SEC16B: variants seen among roughly 807,000 people sequenced by gnomAD.
SEC16B encodes SEC16 homolog B, endoplasmic reticulum export factor.
A neutral mutation model predicts 141.8 loss-of-function variants in SEC16B; 115 were observed. That is an observed-to-expected ratio of 0.81 (90% CI 0.70 to 0.95). The LOEUF is 0.95. SEC16B is among the 40% of genes least tolerant of loss of function. SEC16B has a pLI of 0.00. For synonymous variants in SEC16B, 493 were observed against 492.5 expected (o/e 1.00, Z -0.01); for missense variants, 1,291 against 1,312.3 (o/e 0.98, Z 0.25).
At position 177,937,523 on chromosome 1, in the gene SEC16B, T is replaced by G. The variant is rs149848156; in HGVS notation, c.2204-10A>C. ...TGGTAGAAAGTGTTTTCTAAGGACG[T>G]GGAACAAAGGTAAAGAAGTCAGACC... On this transcript the variant is annotated splice_polypyrimidine_tract_variant and intron_variant, in intron 18 of 25. Transcript: ENST00000308284. 12,446 of 1,510,112 alleles carry G rather than the reference T, an allele frequency of 8.2e-3. 84 individuals are homozygous for G. The highest frequency in any genetic ancestry group is 9.0e-3 in the Non-Finnish European group (10,211 of 1,129,006). The allele number at this position is 1,510,112 out of a possible 1,614,324, so 93.5% of individuals were successfully genotyped here.
Position 177,960,940 on chromosome 1 carries a change from C to T in SEC16B, c.788-1G>A, listed in dbSNP as rs894977268. ...GCTTTGGGACCAGCTGAGGAGACATCTTCTGACCAACAGACACAGATGGAC... is the reference window on the plus strand; with the variant it reads ...GCTTTGGGACCAGCTGAGGAGACATTTTCTGACCAACAGACACAGATGGAC... On this transcript the variant is annotated splice_acceptor_variant, in intron 6 of 25. Coordinates refer to ENST00000308284, the MANE Select transcript of SEC16B (RefSeq NM_033127.4). LOFTEE classifies it high-confidence loss of function. The T allele has an allele frequency of 6.7e-7, 1 of 1,502,514 alleles. No homozygotes were observed. Among genetic ancestry groups the T allele is most frequent in the Middle Eastern group, 1.8e-4 (1 of 5,672 alleles). The allele number at this position is 1,502,514 out of a possible 1,614,324, so 93.1% of individuals were successfully genotyped here.
chr1:177,933,147 G>C (rs1246617925), intron 22 of SEC16B, 67 bp downstream of exon 22: 9 of 1,305,944 alleles, frequency 6.9e-6, no homozygotes, highest in Non-Finnish European at 8.5e-6. Context: ...AGAGCTCCTA[G>C]GTGCTGAGGC....
Position 177,933,244 on chromosome 1 carries a change from G to A in SEC16B, c.2793C>T (p.Asp931=), listed in dbSNP as rs149216709. The stretch of plus-strand genomic sequence containing the variant: ...AGTCAGGGCTGTCTGAGGAGTCCTC[G>A]TCTCCAGCGGGGGATGCGTTCTTGG... ...KPTKNASPAG[D]EDSSDSPDSE... The change falls in exon 22 of 26, where the codon GAC becomes GAT. Residue 931 remains aspartate, a synonymous_variant. Transcript: ENST00000308284. 3.7e-4 allele frequency: 586 copies of A among 1,593,684 alleles called. 3 individuals are homozygous for A. The African/African-American group carries it at 6.5e-3, about 18-fold the overall frequency.
chr1:177,977,364 C>A (rs1368001549), intron 1 of SEC16B, among the ~76,000 whole-genome samples: 1 of 152,174 alleles, frequency 6.6e-6, no homozygotes, highest in Non-Finnish European at 1.5e-5. Context: ...CAAGCCAAGG[C>A]CCTCATGCAC....
rs746342263 is a variant in SEC16B, at chr1:177,933,539, G to C, written c.2669C>G (p.Ser890Cys). Residue 890 changes from serine (S) to cysteine (C), a missense_variant, in exon 21 of 26, where the codon TCT becomes TGT. By Grantham distance (112) the Ser-to-Cys change is moderately radical. Coordinates refer to ENST00000308284, the MANE Select transcript of SEC16B (RefSeq NM_033127.4). ...GCCTCTCTGGGCAGTATTTCGGGGA[G>C]AGTTTTTATCAGCCTCATCAGAGGA... ...KESSDEADKN[S>C]PRNTAQRGKL... 1.2e-6 allele frequency: 2 copies of C among 1,613,974 alleles called. No individual in the cohort carries two copies. Among genetic ancestry groups the C allele is most frequent in the South Asian group, 1.1e-5 (1 of 91,060 alleles).
chr1:177,932,854 C>A, intron 22 of SEC16B, 48 bp from the exon 23 acceptor site: 6 of 1,520,852 alleles, frequency 3.9e-6, no homozygotes, highest in Non-Finnish European at 5.4e-6. Context: ...TGGCAGTTAA[C>A]AAATTGATGC....
At chr1:177,957,373 G>A (rs1652690353) in intron 10 of SEC16B, among the ~76,000 whole-genome samples, 1 of 151,952 alleles carries the variant, frequency 6.6e-6, no homozygotes, top group Non-Finnish European at 1.5e-5. Context: ...AATGCCATGA[G>A]GGTATTTTAC....
chr1:177,941,409 C>A (rs1354336101), intron 16 of SEC16B, among the ~76,000 whole-genome samples: 1 of 152,176 alleles, frequency 6.6e-6, no homozygotes, highest in African/African-American at 2.4e-5. Flanking sequence ...TTAATTGAAA[C>A]AACTATTTGC....
At chr1:177,936,528 C>T (rs909193699) in intron 19 of SEC16B, among the ~76,000 whole-genome samples, 163 bp from the exon 20 acceptor site, 3 of 152,190 alleles carry the variant, frequency 2.0e-5, no homozygotes, top group African/African-American at 7.2e-5. Flanking sequence ...GCTCACGTAG[C>T]TCATCTCAAT....
chr1:177,941,439 C>G (rs1651263733), intron 16 of SEC16B, among the ~76,000 whole-genome samples: 1 of 152,086 alleles, frequency 6.6e-6, no homozygotes. Flanking sequence ...GTTTTCTTTC[C>G]TAGGAACTAA....
intron 1 of SEC16B, among the ~76,000 whole-genome samples, chr1:177,975,736 T>C (rs1417946253): frequency 2.0e-5 from 3 of 152,234 alleles, no homozygotes; most frequent in South Asian, 4.1e-4. Context: ...CTCATATTTC[T>C]GACTCCAAGA....
In SEC16B at chr1:177,951,929, A is replaced by T. The variant is rs376158973; in HGVS notation, c.1530T>A (p.Ile510=). 3.7e-5 allele frequency: 60 copies of T among 1,605,480 alleles called. No homozygotes were observed. Among genetic ancestry groups the T allele is most frequent in the Non-Finnish European group, 5.0e-5 (59 of 1,176,492 alleles). ...ATAGGGGTACCGTGGCTGCCTGTGG[A>T]ATCCTCCCCGACATGAGCTGGAAGA... ...QTLFQLMSGR[I]PQAATCCGEK... Residue 510 remains isoleucine, a synonymous_variant, in exon 12 of 26, where the codon ATT becomes ATA. Transcript: ENST00000308284.
In SEC16B at chr1:177,958,153, C is replaced by T. The variant is rs769003617; in HGVS notation, c.1344G>A (p.Leu448=). ...TTGCCTTCTTCCTTCCATAGTAGAG[C>T]AGCCTAGTGAATTTCTCCACGATCT... ...PAQIVEKFTR[L]LYYGRKKEAL... Residue 448 remains leucine, a synonymous_variant, in exon 10 of 26, where the codon CTG becomes CTA. Coordinates refer to ENST00000308284, the MANE Select transcript of SEC16B (RefSeq NM_033127.4). The T allele has an allele frequency of 5.2e-6, 8 of 1,534,166 alleles. No homozygotes were observed. The South Asian group carries it at 1.1e-4, about 20-fold the overall frequency.
intron 18 of SEC16B, among the ~76,000 whole-genome samples, chr1:177,938,295 C>T (rs1651013014): frequency 6.8e-6 from 1 of 146,042 alleles, no homozygotes; most frequent in East Asian, 2.7e-4. Context: ...GCTTCTGTGT[C>T]CCGAAAAGAT....
intron 2 of SEC16B, among the ~76,000 whole-genome samples, chr1:177,967,380 G>A (rs1265577616): frequency 1.3e-5 from 2 of 152,102 alleles, no homozygotes; most frequent in Non-Finnish European, 2.9e-5. Context: ...GGTTCCATCT[G>A]CTGTCTTGAA....
chr1:177,963,429 C>T (rs536590214), intron 5 of SEC16B, among the ~76,000 whole-genome samples: 1 of 151,892 alleles, frequency 6.6e-6, no homozygotes, highest in Non-Finnish European at 1.5e-5. Context: ...ATGGTGAAAC[C>T]CGGTCTCTAC....
chr1:177,952,725 C>T (rs1652293564), intron 11 of SEC16B, among the ~76,000 whole-genome samples: 2 of 152,126 alleles, frequency 1.3e-5, no homozygotes, highest in African/African-American at 2.4e-5. Flanking sequence ...GGCTGTGGGA[C>T]GTTCATTTTC....
intron 3 of SEC16B, among the ~76,000 whole-genome samples, chr1:177,965,515 C>T (rs995403665): frequency 6.6e-6 from 1 of 152,138 alleles, no homozygotes; most frequent in Non-Finnish European, 1.5e-5. Flanking sequence ...CATTTGGGTG[C>T]ATATCTGCTG....
At chr1:177,960,451 G>T in intron 7 of SEC16B, 48 bp from the exon 8 acceptor site, 1 of 1,335,284 alleles carries the variant, frequency 7.5e-7, no homozygotes, top group Non-Finnish European at 1.1e-6. Flanking sequence ...GGCCACCCTA[G>T]GCCCCTTTCA....
Sources: allele counts gnomAD v4.1 joint callset (sites outside exome capture counted in the v4.1 genomes callset), GRCh38; gene constraint gnomAD v4.1.1; transcripts MANE v1.5; gene names NCBI Gene and HGNC (gene_info 2026-07-23, HGNC 2026-07-21).